FRMPD4: variants seen among roughly 807,000 people sequenced by gnomAD.
FRMPD4 encodes FERM and PDZ domain-containing protein 4.
A neutral mutation model predicts 94.1 loss-of-function variants in FRMPD4; 22 were observed. The ratio of observed to expected loss-of-function variants is 0.23; its 90% CI spans 0.17 to 0.33. FRMPD4 has a LOEUF of 0.33. Ranked by LOEUF, FRMPD4 falls within the 10% of genes least tolerant of loss-of-function variation. The pLI, the probability that FRMPD4 is intolerant of heterozygous loss-of-function variation, is 1.00. For missense variants in FRMPD4, 1,111 were observed against 1,339.9 expected, an observed-to-expected ratio of 0.83 and a Z score of 2.67; for synonymous variants, 631 against 548.6, an observed-to-expected ratio of 1.15 and a Z score of -2.10.
chrX:12,302,499 T>A (rs1162691264), intron 1 of FRMPD4, among the ~76,000 whole-genome samples: 3 of 111,790 alleles, frequency 2.7e-5, no homozygotes, highest in Non-Finnish European at 5.6e-5. Context: ...TAGCATCTTA[T>A]TAGAGGTAAG....
At chrX:12,265,187 T>C (rs371233410) in intron 1 of FRMPD4, among the ~76,000 whole-genome samples, 2 of 112,256 alleles carry the variant, frequency 1.8e-5, no homozygotes, top group African/African-American at 6.5e-5. Flanking sequence ...TCTGATGTAA[T>C]TGATCTGCAG....
chrX:12,233,414 A>G (rs1289746210), intron 1 of FRMPD4, among the ~76,000 whole-genome samples: 1 of 111,753 alleles, frequency 8.9e-6, no homozygotes, highest in East Asian at 2.8e-4. Flanking sequence ...GAAGTCCTAC[A>G]TTTTATCTGG....
chrX:12,322,451 A>G (rs2055220981), intron 1 of FRMPD4, among the ~76,000 whole-genome samples: 1 of 110,944 alleles, frequency 9.0e-6, no homozygotes, highest in South Asian at 3.8e-4. Context: ...GGGTGTTTCC[A>G]GAGGCAACAA....
intron 2 of FRMPD4, among the ~76,000 whole-genome samples, chrX:12,539,925 C>T (rs1197182219): frequency 1.3e-4 from 14 of 111,988 alleles, no homozygotes; most frequent in Admixed American, 3.8e-4. Context: ...TGAGCCACCG[C>T]GCCCAGCTTC....
chrX:12,471,762 C>T (rs1371807465), intron 1 of FRMPD4, among the ~76,000 whole-genome samples: 1 of 111,991 alleles, frequency 8.9e-6, no homozygotes, highest in Non-Finnish European at 1.9e-5. Flanking sequence ...CTTTTCCATG[C>T]TGTCTCTTTA....
intron 3 of FRMPD4, among the ~76,000 whole-genome samples, chrX:11,999,323 A>C (rs1176572196): frequency 8.9e-6 from 1 of 111,950 alleles, no homozygotes; most frequent in Non-Finnish European, 1.9e-5. Context: ...CTAGCTATAC[A>C]ACATCCAAAC....
intron 1 of FRMPD4, among the ~76,000 whole-genome samples, chrX:12,195,436 G>T (rs1286626075): frequency 8.9e-6 from 1 of 112,156 alleles, no homozygotes; most frequent in East Asian, 2.8e-4. Context: ...AGGAATCCAT[G>T]CACAGGCTTG....
At chrX:12,451,007 C>T (rs1412432726) in intron 1 of FRMPD4, among the ~76,000 whole-genome samples, 4 of 109,865 alleles carry the variant, frequency 3.6e-5, no homozygotes, top group Non-Finnish European at 7.6e-5. Context: ...CCCTTCAGGA[C>T]CTGGCCTATT....
intron 3 of FRMPD4, among the ~76,000 whole-genome samples, chrX:12,073,117 A>AC (rs1418230008): frequency 2.7e-5 from 3 of 111,464 alleles, no homozygotes; most frequent in African/African-American, 9.8e-5. Context: ...CATTGTATAA[A>AC]TATACGGCAG....
intron 4 of FRMPD4, among the ~76,000 whole-genome samples, chrX:12,651,263 T>C (rs139300062): frequency 1.7e-3 from 190 of 111,291 alleles, no homozygotes; most frequent in African/African-American, 5.6e-3. Context: ...GTACTTTAAA[T>C]GAGCTATTTC....
intron 3 of FRMPD4, among the ~76,000 whole-genome samples, chrX:11,997,697 G>A (rs974844435): frequency 1.8e-5 from 2 of 110,959 alleles, no homozygotes; most frequent in African/African-American, 6.6e-5. Flanking sequence ...GAGGGCAAAA[G>A]GCCAAGCCAA....
chrX:12,533,655 T>C (rs1265487497), intron 2 of FRMPD4, among the ~76,000 whole-genome samples: 3 of 112,118 alleles, frequency 2.7e-5, no homozygotes, highest in Non-Finnish European at 5.6e-5. Context: ...ACTCTTGTTA[T>C]GTTTTAGCAA....
At chrX:11,914,866 A>G (rs2054016265) in intron 3 of FRMPD4, among the ~76,000 whole-genome samples, 1 of 112,474 alleles carries the variant, frequency 8.9e-6, no homozygotes, top group Admixed American at 9.4e-5. Context: ...CATGGTGTAG[A>G]CACAACATAT....
intron 2 of FRMPD4, among the ~76,000 whole-genome samples, chrX:12,605,164 G>A (rs1171023662): frequency 1.8e-5 from 2 of 112,124 alleles, no homozygotes; most frequent in South Asian, 3.8e-4. Context: ...CAGTTCTCAC[G>A]TTCACACTGC....
intron 1 of FRMPD4, among the ~76,000 whole-genome samples, chrX:12,474,970 G>A (rs1009048513): frequency 1.8e-5 from 2 of 111,784 alleles, no homozygotes; most frequent in Non-Finnish European, 1.9e-5. Flanking sequence ...TATGAGGCCA[G>A]CATCATCCTG....
chrX:12,536,068 T>G (rs1177006786), intron 2 of FRMPD4, among the ~76,000 whole-genome samples: 1 of 12,105 alleles, frequency 8.3e-5, no homozygotes, highest in African/African-American at 2.9e-4. Context: ...TATATAAGGA[T>G]ATATATATAT....
intron 1 of FRMPD4, among the ~76,000 whole-genome samples, chrX:12,254,462 C>G (rs1260519506): frequency 8.9e-6 from 1 of 111,798 alleles, no homozygotes; most frequent in Non-Finnish European, 1.9e-5. Flanking sequence ...CTGATCAACC[C>G]TAATCAACAT....
intron 1 of FRMPD4, among the ~76,000 whole-genome samples, chrX:12,345,506 CAT>C (rs749744096): frequency 8.9e-6 from 1 of 112,016 alleles, no homozygotes; most frequent in Non-Finnish European, 1.9e-5. Flanking sequence ...CCCAGAGAAA[CAT>C]GGATAGAACT....
chrX:12,047,077 A>T (rs1265002150), intron 3 of FRMPD4, among the ~76,000 whole-genome samples: 1 of 109,455 alleles, frequency 9.1e-6, no homozygotes, highest in African/African-American at 3.3e-5. Flanking sequence ...ATATTTATAC[A>T]TGGTTATATA....
Sources: allele counts gnomAD v4.1 joint callset (sites outside exome capture counted in the v4.1 genomes callset), GRCh38; gene constraint gnomAD v4.1.1; transcripts MANE v1.5; gene names NCBI Gene and HGNC (gene_info 2026-07-23, HGNC 2026-07-21).